The following EHBP1 variants were observed in gnomAD, a reference collection of about 807,000 sequenced individuals.
EHBP1 encodes EH domain-binding protein 1.
In EHBP1, 55 loss-of-function variants were observed where a neutral mutation model predicts 144.0. The observed-to-expected ratio is 0.38, with a 90% confidence interval of 0.31 to 0.48. EHBP1 has a LOEUF of 0.48. Ranked by LOEUF, EHBP1 falls within the 20% of genes least tolerant of loss-of-function variation. The pLI, the probability that EHBP1 is intolerant of heterozygous loss-of-function variation, is 0.98. For missense variants in EHBP1, 1,200 were observed against 1,364.2 expected, an observed-to-expected ratio of 0.88 and a Z score of 1.90; for synonymous variants, 469 against 472.7, an observed-to-expected ratio of 0.99 and a Z score of 0.10.
chr2:62,937,199 A>G (rs1486930049), intron 10 of EHBP1, among the ~76,000 whole-genome samples: 1 of 152,230 alleles, frequency 6.6e-6, no homozygotes, highest in African/African-American at 2.4e-5. Context: ...TGAAAAATTT[A>G]CAACTTCTGC....
chr2:62,995,123 G>A (rs1320348871), intron 18 of EHBP1, among the ~76,000 whole-genome samples: 1 of 152,086 alleles, frequency 6.6e-6, no homozygotes, highest in Admixed American at 6.6e-5. Context: ...TGGCAGATAG[G>A]TTCAAGAAGC....
At chr2:62,802,471 G>A (rs2044075782) in intron 5 of EHBP1, among the ~76,000 whole-genome samples, 1 of 152,144 alleles carries the variant, frequency 6.6e-6, no homozygotes, top group Non-Finnish European at 1.5e-5. Flanking sequence ...TCACCTTAAT[G>A]TCTGTTGTTC....
chr2:62,879,259 C>G (rs1187712780), intron 10 of EHBP1, among the ~76,000 whole-genome samples: 1 of 152,102 alleles, frequency 6.6e-6, no homozygotes, highest in Non-Finnish European at 1.5e-5. Context: ...GTCACCACTC[C>G]TATTCAACAT....
intron 5 of EHBP1, among the ~76,000 whole-genome samples, chr2:62,820,742 AT>A (rs2045910403): frequency 6.6e-5 from 3 of 45,388 alleles, no homozygotes; most frequent in African/African-American, 1.8e-4. Flanking sequence ...TGTATAATAT[AT>A]ATATATATAT....
At chr2:62,960,899 C>T (rs1337093484) in intron 14 of EHBP1, among the ~76,000 whole-genome samples, 1 of 152,178 alleles carries the variant, frequency 6.6e-6, no homozygotes, top group African/African-American at 2.4e-5. Flanking sequence ...TCGAATCGTA[C>T]ATTATGATAC....
intron 2 of EHBP1, among the ~76,000 whole-genome samples, chr2:62,740,910 C>T (rs1305362802): frequency 6.6e-6 from 1 of 152,088 alleles, no homozygotes; most frequent in Non-Finnish European, 1.5e-5. Context: ...TACAAGACAG[C>T]AACTATTATT....
chr2:62,687,895 G>A (rs1368365047), intron 1 of EHBP1, among the ~76,000 whole-genome samples: 1 of 152,096 alleles, frequency 6.6e-6, no homozygotes, highest in Non-Finnish European at 1.5e-5. Context: ...TACTGTCAAA[G>A]TTTTCAAGTG....
chr2:62,764,447 C>A, intron 4 of EHBP1, 86 bp downstream of exon 4: 1 of 1,044,688 alleles, frequency 9.6e-7, no homozygotes, highest in Non-Finnish European at 1.3e-6. Context: ...TTGTTCTATA[C>A]ATTTGTGTCC....
At chr2:62,850,319 T>C (rs189796396) in intron 7 of EHBP1, among the ~76,000 whole-genome samples, 1 of 152,178 alleles carries the variant, frequency 6.6e-6, no homozygotes, top group Non-Finnish European at 1.5e-5. Context: ...TTCTTTTTAC[T>C]ACAGACTTTC....
intron 3 of EHBP1, among the ~76,000 whole-genome samples, chr2:62,755,873 A>G (rs879078051): frequency 6.6e-6 from 1 of 152,160 alleles, no homozygotes; most frequent in African/African-American, 2.4e-5. Flanking sequence ...ATCTCTTTTA[A>G]TAATTAGCTT....
Position 62,741,887 on chromosome 2 carries a change from A to T in EHBP1, c.105-5508A>T, listed in dbSNP as rs369104164. Among the ~76,000 whole-genome samples, 43 of 152,286 alleles carry T rather than the reference A, an allele frequency of 2.8e-4. No individual in the cohort carries two copies. In the East Asian group the frequency reaches 7.7e-3, roughly 27 times the overall value. On this transcript the variant is annotated intron_variant, in intron 2 of 22. Transcript: ENST00000431489. The stretch of plus-strand genomic sequence containing the variant: ...TTGTATTAGGTATAGTAATCTAGAG[A>T]TGATTTAAACTTAGTCACACACTGC...
At chr2:62,883,004 C>G (rs929889505) in intron 10 of EHBP1, among the ~76,000 whole-genome samples, 1 of 152,144 alleles carries the variant, frequency 6.6e-6, no homozygotes, top group Non-Finnish European at 1.5e-5. Flanking sequence ...CACACACACA[C>G]TATACATATA....
chr2:63,032,848 T>C (rs2061320070), intron 19 of EHBP1, among the ~76,000 whole-genome samples: 1 of 152,168 alleles, frequency 6.6e-6, no homozygotes, highest in Non-Finnish European at 1.5e-5. Context: ...TGAGAGAATA[T>C]GGCAGTTTTT....
chr2:62,820,596 T>C (rs534675581), intron 5 of EHBP1, among the ~76,000 whole-genome samples: 1 of 151,642 alleles, frequency 6.6e-6, no homozygotes, highest in African/African-American at 2.4e-5. Flanking sequence ...TAGAATCATA[T>C]AATATTTGTC....
At chr2:62,768,555 C>T (rs999042435) in intron 4 of EHBP1, among the ~76,000 whole-genome samples, 6 of 152,150 alleles carry the variant, frequency 3.9e-5, no homozygotes, top group Admixed American at 3.9e-4. Context: ...AGCCCAGGAC[C>T]AGATGAGTTC....
intron 4 of EHBP1, among the ~76,000 whole-genome samples, chr2:62,768,737 T>C (rs1343633763): frequency 2.0e-5 from 3 of 152,200 alleles, no homozygotes; most frequent in African/African-American, 7.2e-5. Context: ...GCCAATATCC[T>C]TGATGAACAT....
intron 10 of EHBP1, among the ~76,000 whole-genome samples, chr2:62,894,393 GGAGA>G (rs150548461): frequency 2.0e-5 from 3 of 151,240 alleles, no homozygotes; most frequent in Non-Finnish European, 3.0e-5. Context: ...ATAGGAAGAG[GGAGA>G]GAGAGAGAGA....
intron 10 of EHBP1, among the ~76,000 whole-genome samples, chr2:62,920,624 ATTAAT>A (rs1012112472): frequency 1.4e-4 from 21 of 152,174 alleles, no homozygotes; most frequent in Non-Finnish European, 7.3e-5. Context: ...AGATGAATGC[ATTAAT>A]TTAAGAGATT....
In EHBP1 at chr2:62,878,087, C is replaced by T. The variant is rs190487561; in HGVS notation, c.1185+3555C>T. 1.2e-3 allele frequency among the ~76,000 whole-genome samples: 185 copies of T among 152,098 alleles called. 2 individuals carry two copies. The highest frequency in any genetic ancestry group is 4.2e-3 in the African/African-American group (174 of 41,502). ...GAATAAATAAGATTGACAGACTGCT[C>T]GTTAGGCTAGTAAAAGAGAAGATTC... On this transcript the variant is annotated intron_variant, in intron 10 of 22. Coordinates refer to ENST00000431489, the MANE Select transcript of EHBP1 (RefSeq NM_001142616.3).
Sources: allele counts gnomAD v4.1 joint callset (sites outside exome capture counted in the v4.1 genomes callset), GRCh38; gene constraint gnomAD v4.1.1; transcripts MANE v1.5; gene names NCBI Gene and HGNC (gene_info 2026-07-23, HGNC 2026-07-21).